RMC1: variants seen among roughly 807,000 people sequenced by gnomAD.
RMC1 encodes regulator of MON1-CCZ1 complex.
RMC1 carries 44 observed loss-of-function variants against 95.5 expected under a neutral mutation model. The observed-to-expected ratio is 0.46, with a 90% CI of 0.36 to 0.59. The LOEUF (loss-of-function observed/expected upper bound fraction) is 0.59, where lower values mean the gene tolerates loss of function less well. Ranked by LOEUF, RMC1 falls within the 20% of genes least tolerant of loss-of-function variation. RMC1 has a pLI of 0.00. For synonymous variants in RMC1, 320 were observed against 303.6 expected (o/e 1.05, Z -0.56); for missense variants, 705 against 819.6 (o/e 0.86, Z 1.71).
intron 4 of RMC1, among the ~76,000 whole-genome samples, chr18:23,508,294 C>T (rs1309293749): frequency 6.6e-6 from 1 of 152,248 alleles, no homozygotes; most frequent in East Asian, 1.9e-4. Context: ...TAGTGCTAGC[C>T]CTTGGGGCTG....
At chr18:23,521,377 C>T (rs1652338) in intron 10 of RMC1, among the ~76,000 whole-genome samples, 11 of 152,320 alleles carry the variant, frequency 7.2e-5, no homozygotes, top group Admixed American at 2.0e-4. Flanking sequence ...AGCTCTGTAA[C>T]GCTGAAATTA....
chr18:23,512,306 CCA>C (rs1423809859), intron 5 of RMC1, among the ~76,000 whole-genome samples: 7 of 152,266 alleles, frequency 4.6e-5, no homozygotes, highest in Non-Finnish European at 7.4e-5. Context: ...CAGGCGTGAG[CCA>C]CCATGCCTGG....
rs2058341471 is a variant in RMC1, at chr18:23,527,588, G to GT, written c.1190-207_1190-206insT. Among the ~76,000 whole-genome samples the GT allele has an allele frequency of 5.1e-5, 5 of 97,222 alleles. No homozygotes were observed. The East Asian group carries it at 1.7e-3, about 33-fold the overall frequency. The allele number at this position is 97,222 out of a possible 152,430, so 63.8% of individuals were successfully genotyped here. ...GTGCCACTGAGCCTGGCCTGCTATA[G>GT]CTTTTTTTTTTTTTTTTTTTTTTAA... is the stretch of plus-strand genomic sequence containing the variant. On this transcript the variant is annotated intron_variant, in intron 13 of 19. Coordinates refer to ENST00000269221, the MANE Select transcript of RMC1 (RefSeq NM_013326.5).
chr18:23,519,285 A>G, intron 9 of RMC1, 111 bp downstream of exon 9: 1 of 891,360 alleles, frequency 1.1e-6, no homozygotes, highest in Non-Finnish European at 1.8e-6. Flanking sequence ...TGGGAGGCCA[A>G]GGCGGACAGA....
chr18:23,511,670 C>G (rs1182644571), intron 5 of RMC1, among the ~76,000 whole-genome samples: 3 of 149,506 alleles, frequency 2.0e-5, no homozygotes, highest in Admixed American at 2.0e-4. Context: ...TTTTTTTGTC[C>G]AAAGTGTATC....
rs149201247 is a variant in RMC1 at position 23,525,120 on chromosome 18, A to G, written c.1060+638A>G. 6.0e-3 allele frequency among the ~76,000 whole-genome samples: 897 copies of G among 150,312 alleles called. 8 individuals are homozygous for G. Among genetic ancestry groups the G allele is most frequent in the African/African-American group, 0.02 (829 of 40,944 alleles). ...TGCCACCACGCCCAGCTAATTTTGT[A>G]TTTTTAGTAGAGACGAGGTTTTTCC... On this transcript the variant is annotated intron_variant, in intron 12 of 19. Coordinates refer to ENST00000269221, the MANE Select transcript of RMC1 (RefSeq NM_013326.5).
At chr18:23,516,444 A>G (rs1227069404) in intron 7 of RMC1, 21 bp downstream of exon 7, 2 of 1,607,160 alleles carry the variant, frequency 1.2e-6, no homozygotes, top group Non-Finnish European at 1.7e-6. Context: ...GTCAGAGAGA[A>G]TTCCATCCTG....
intron 10 of RMC1, chr18:23,522,494 A>C (rs2058169077): frequency 6.6e-6 from 1 of 152,156 alleles, no homozygotes; most frequent in Admixed American, 6.5e-5. Context: ...ATATTTTTTA[A>C]GCTCATCAGC....
rs1365790506 is a variant in RMC1, at chr18:23,524,577, AGAAATGACCCCTCCT to A, written c.1060+96_1060+110del. On this transcript the variant is annotated intron_variant, in intron 12 of 19. Coordinates refer to ENST00000269221, the MANE Select transcript of RMC1 (RefSeq NM_013326.5). ...GGGACGTTTTCAAGGTGAATCTCTT[AGAAATGACCCCTCCT>A]TTCAAGCGTGGGAATGGGATTTTTT... The A allele has an allele frequency of 3.5e-4, 434 of 1,257,056 alleles. 1 individual carries two copies. In the African/African-American group the frequency reaches 6.0e-3, roughly 17 times the overall value. The allele number at this position is 1,257,056 out of a possible 1,614,324, so 77.9% of individuals were successfully genotyped here.
chr18:23,524,302 T>C, intron 11 of RMC1, 127 bp from the exon 12 acceptor site: 1 of 1,491,796 alleles, frequency 6.7e-7, no homozygotes, highest in Admixed American at 1.7e-5. Context: ...GCAGCTTCCC[T>C]GACTGTCCAG....
At chr18:23,515,686 C>A in intron 5 of RMC1, among the ~76,000 whole-genome samples, 170 bp from the exon 6 acceptor site, 1 of 152,164 alleles carries the variant, frequency 6.6e-6, no homozygotes, top group East Asian at 1.9e-4. Flanking sequence ...GCATGTGCCA[C>A]CACGCCTGGC....
chr18:23,508,084 T>TTTC, intron 4 of RMC1, 43 bp downstream of exon 4: 1 of 1,569,868 alleles, frequency 6.4e-7, no homozygotes, highest in Non-Finnish European at 8.7e-7. Context: ...GTCAGTGGTG[T>TTTC]TGAGCTGGGT....
intron 14 of RMC1, chr18:23,528,582 C>A (rs769923978): frequency 9.1e-5 from 14 of 153,298 alleles, no homozygotes; most frequent in Non-Finnish European, 1.9e-4. Flanking sequence ...AGGTCTGAGA[C>A]AGGCACTGAA....
intron 13 of RMC1, among the ~76,000 whole-genome samples, chr18:23,526,993 G>A (rs1342741683): frequency 1.3e-5 from 2 of 152,162 alleles, no homozygotes; most frequent in African/African-American, 4.8e-5. Flanking sequence ...CTGAATGAAA[G>A]TGGGCACACA....
chr18:23,526,593 C>A lies in RMC1; in HGVS notation c.1061-44C>A, dbSNP rs149516338. The A allele has an allele frequency of 2.5e-6, 4 of 1,593,998 alleles. No homozygotes were observed. In the South Asian group the frequency reaches 3.4e-5, roughly 13 times the overall value. The stretch of plus-strand genomic sequence containing the variant: ...GGGAACCACTTTTGGGCTTTTGTTA[C>A]GGTTTGCATCATACTGTTTTATTTG... On this transcript the variant is annotated intron_variant, in intron 12 of 19. Coordinates refer to ENST00000269221, the MANE Select transcript of RMC1 (RefSeq NM_013326.5).
intron 14 of RMC1, 69 bp from the exon 15 acceptor site, chr18:23,529,110 G>C: frequency 6.4e-7 from 1 of 1,558,970 alleles, no homozygotes; most frequent in Admixed American, 2.0e-5. Flanking sequence ...CAGTCCTTGT[G>C]GATGAACTGT....
intron 13 of RMC1, among the ~76,000 whole-genome samples, chr18:23,527,396 T>G (rs980129140): frequency 1.1e-4 from 16 of 151,568 alleles, no homozygotes; most frequent in Admixed American, 5.3e-4. Context: ...AGACCCTGTA[T>G]CCAAAAAAAA....
At chr18:23,513,663 T>C (rs1009104656) in intron 5 of RMC1, among the ~76,000 whole-genome samples, 42 of 152,246 alleles carry the variant, frequency 2.8e-4, no homozygotes, top group African/African-American at 9.6e-4. Context: ...TCCCTCCAAG[T>C]GTACAAGGGT....
intron 11 of RMC1, 86 bp downstream of exon 11, chr18:23,524,260 C>A: frequency 6.5e-7 from 1 of 1,548,114 alleles, no homozygotes; most frequent in Non-Finnish European, 8.9e-7. Flanking sequence ...CTCCGGGCAG[C>A]TGTGAATAAC....
Sources: allele counts gnomAD v4.1 joint callset (sites outside exome capture counted in the v4.1 genomes callset), GRCh38; gene constraint gnomAD v4.1.1; transcripts MANE v1.5; gene names NCBI Gene and HGNC (gene_info 2026-07-23, HGNC 2026-07-21).